The following SLC2A7 variants were observed in gnomAD, a reference collection of about 807,000 sequenced individuals.
SLC2A7 encodes the protein solute carrier family 2, facilitated glucose transporter member 7.
A neutral mutation model predicts 50.5 loss-of-function variants in SLC2A7; 50 were observed. The ratio of observed to expected loss-of-function variants is 0.99; its 90% CI spans 0.79 to 1.25. The LOEUF is 1.25. SLC2A7 is among the 50% of genes most tolerant of loss of function. SLC2A7 has a pLI of 0.00. For synonymous variants in SLC2A7, 308 were observed against 300.4 expected (o/e 1.03, Z -0.26); for missense variants, 683 against 679.1 (o/e 1.01, Z -0.06).
At position 9,008,722 on chromosome 1, in the gene SLC2A7, G is replaced by A. The variant is rs766799663; in HGVS notation, c.1117-1337C>T. On this transcript the variant is annotated intron_variant, in intron 9 of 11. Transcript: ENST00000400906. The surrounding 1 kb of genome is among the most constrained non-coding windows in gnomAD (Gnocchi z 5.9). ...AGTGATTCTCCTGCCTCAGCCTCCC[G>A]AGTAACTGGGATTACAGGCACACGC... 3.2e-4 allele frequency among the ~76,000 whole-genome samples: 48 copies of A among 151,056 alleles called. No individual in the cohort carries two copies. Among genetic ancestry groups the A allele is most frequent in the Non-Finnish European group, 4.4e-4 (30 of 67,844 alleles).
At position 9,015,013 on chromosome 1, in the gene SLC2A7, G is replaced by T. The variant is rs941246924; in HGVS notation, c.715+104C>A. 6.5e-6 allele frequency: 10 copies of T among 1,537,246 alleles called. No homozygotes were observed. In the Admixed American group the frequency reaches 1.4e-4, roughly 21 times the overall value. The stretch of plus-strand genomic sequence containing the variant: ...ACCCCCCCACCCCGTTCAGCTCCCA[G>T]CTCTCACCCCTGACCCATGGCGACC... On this transcript the variant is annotated intron_variant, in intron 6 of 11. Coordinates refer to ENST00000400906, the MANE Select transcript of SLC2A7 (RefSeq NM_207420.3).
In SLC2A7 at chr1:9,013,525, C is replaced by T. The variant is rs774580070; in HGVS notation, c.1014G>A (p.Ser338=). 7.9e-5 allele frequency: 128 copies of T among 1,612,672 alleles called. No individual in the cohort carries two copies. Among genetic ancestry groups the T allele is most frequent in the Non-Finnish European group, 9.6e-5 (113 of 1,179,586 alleles). ...GVVNIVMTIT[S]AVLVERLGRR... is the part of the protein sequence containing the mutation. ...GGAAGGATGCCTCCTGCTCACTCAC[C>T]GAGGTGATGGTCATCACTATGTTGA... is the stretch of plus-strand genomic sequence containing the variant. The change falls in exon 8 of 12, where the codon TCG becomes TCA. Residue 338 remains serine, a splice_region_variant and synonymous_variant. Coordinates refer to ENST00000400906, the MANE Select transcript of SLC2A7 (RefSeq NM_207420.3).
chr1:9,007,438 G>A lies in SLC2A7; in HGVS notation c.1117-53C>T, dbSNP rs1640672019. On this transcript the variant is annotated intron_variant, in intron 9 of 11. Coordinates refer to ENST00000400906, the MANE Select transcript of SLC2A7 (RefSeq NM_207420.3). ...CTGAGGCCAGGAGCCCCACGTGCGG[G>A]GGGGTCCACCTGCGGGTCCCACCTT... 1.9e-6 allele frequency: 3 copies of A among 1,582,814 alleles called. No individual in the cohort carries two copies. The South Asian group carries it at 3.3e-5, about 18-fold the overall frequency.
At chr1:9,010,456 T>C (rs531737444) in intron 8 of SLC2A7, among the ~76,000 whole-genome samples, 57 of 152,324 alleles carry the variant, frequency 3.7e-4, no homozygotes, top group African/African-American at 1.3e-3. Flanking sequence ...CCTCCCAGGT[T>C]CAAGTGATTC....
rs1479016016 is a variant in SLC2A7 at position 9,013,521 on chromosome 1, T to C, written c.1014+4A>G. 1 of 1,612,452 alleles carries C rather than the reference T, an allele frequency of 6.2e-7. No individual in the cohort carries two copies. Among genetic ancestry groups the C allele is most frequent in the African/African-American group, 1.3e-5 (1 of 74,874 alleles). On this transcript the variant is annotated splice_donor_region_variant and intron_variant, in intron 8 of 11. Coordinates refer to ENST00000400906, the MANE Select transcript of SLC2A7 (RefSeq NM_207420.3). The stretch of plus-strand genomic sequence containing the variant: ...AGCAGGAAGGATGCCTCCTGCTCAC[T>C]CACCGAGGTGATGGTCATCACTATG...
intron 8 of SLC2A7, among the ~76,000 whole-genome samples, chr1:9,012,206 C>A (rs1330300622): frequency 6.6e-6 from 1 of 152,222 alleles, no homozygotes; most frequent in Non-Finnish European, 1.5e-5. Flanking sequence ...GAGCGAAGTG[C>A]ACCCCAAAAA....
chr1:9,016,045 A>G (rs755011348), intron 5 of SLC2A7, among the ~76,000 whole-genome samples: 37 of 152,304 alleles, frequency 2.4e-4, no homozygotes, highest in Middle Eastern at 3.4e-3. Context: ...AATGTCTCTG[A>G]GCCTCAGGCA....
the SLC2A7 span, among the ~76,000 whole-genome samples, chr1:8,996,894 G>GCCTCCCAAT: frequency 6.6e-6 from 1 of 151,980 alleles, no homozygotes; most frequent in Non-Finnish European, 1.5e-5. Context: ...TCCTGCCTCA[G>GCCTCCCAAT]CCTCCCAAGT....
At chr1:9,009,002 C>T (rs920856384) in intron 9 of SLC2A7, among the ~76,000 whole-genome samples, 2 of 152,180 alleles carry the variant, frequency 1.3e-5, no homozygotes, top group Non-Finnish European at 2.9e-5. Context: ...CCTTGCTTTC[C>T]CCGCAGGCCC....
the SLC2A7 span, among the ~76,000 whole-genome samples, chr1:8,997,409 A>AT: frequency 2.6e-5 from 4 of 151,910 alleles, no homozygotes; most frequent in Admixed American, 6.6e-5. Flanking sequence ...TTATTTATTT[A>AT]TTTTTTTTGA....
At chr1:8,998,628 T>C (rs1011196812), downstream of SLC2A7, among the ~76,000 whole-genome samples, 2 of 152,130 alleles carry the variant, frequency 1.3e-5, no homozygotes, top group Non-Finnish European at 2.9e-5. Flanking sequence ...TGCATTTCCA[T>C]ATAAATAACA....
chr1:9,019,006 G>T (rs1640872135), intron 4 of SLC2A7, among the ~76,000 whole-genome samples: 1 of 152,044 alleles, frequency 6.6e-6, no homozygotes, highest in Admixed American at 6.6e-5. Context: ...ACACAGTGAG[G>T]CTCTGTCTCT....
At chr1:9,007,614 C>T (rs61785781) in intron 9 of SLC2A7, among the ~76,000 whole-genome samples, 11,543 of 152,248 alleles carry the variant, frequency 0.076, 547 homozygotes, top group Non-Finnish European at 0.1. Context: ...TCATGGAGAA[C>T]GAGGGGCATC....
chr1:9,019,870 G>A (rs760916811), intron 3 of SLC2A7, among the ~76,000 whole-genome samples: 6 of 152,056 alleles, frequency 3.9e-5, no homozygotes, highest in Admixed American at 6.6e-5. Context: ...GTTGCAGTGA[G>A]CCGAGATCGT....
At chr1:9,000,435 A>G (rs1640558443), downstream of SLC2A7, among the ~76,000 whole-genome samples, 1 of 152,070 alleles carries the variant, frequency 6.6e-6, no homozygotes, top group Non-Finnish European at 1.5e-5. Flanking sequence ...CCTGGCCAAC[A>G]TGGTAAAACC....
In SLC2A7 at chr1:9,017,188, C is replaced by T. The variant is rs149913703; in HGVS notation, c.589+1035G>A. 7.8e-3 allele frequency among the ~76,000 whole-genome samples: 1,187 copies of T among 152,246 alleles called. 9 individuals are homozygous for T. The highest frequency in any genetic ancestry group is 0.026 in the African/African-American group (1,063 of 41,552). ...ATACAAAATTAGCTGGGCGTGGTGG[C>T]GCTCGCTTGTAATCCCAGCTACTCA... On this transcript the variant is annotated intron_variant, in intron 5 of 11. Coordinates refer to ENST00000400906, the MANE Select transcript of SLC2A7 (RefSeq NM_207420.3).
At chr1:8,996,388 T>A in the SLC2A7 span, among the ~76,000 whole-genome samples, 3 of 152,374 alleles carry the variant, frequency 2.0e-5, no homozygotes, top group South Asian at 6.2e-4. Flanking sequence ...ACAATTCTAC[T>A]GTGTGGCTAG....
At chr1:9,011,160 C>T (rs904762309) in intron 8 of SLC2A7, among the ~76,000 whole-genome samples, 3 of 152,258 alleles carry the variant, frequency 2.0e-5, no homozygotes, top group Admixed American at 2.0e-4. Context: ...TCTGTGGGAA[C>T]CACAGTAAAG....
At chr1:9,006,199 T>C (rs1218241917) in intron 10 of SLC2A7, among the ~76,000 whole-genome samples, 1 of 152,170 alleles carries the variant, frequency 6.6e-6, no homozygotes, top group Non-Finnish European at 1.5e-5. Context: ...TCCTTTGAGG[T>C]TCTGCTGCCT....
Sources: gnomAD v4.1 joint callset for allele counts (sites outside exome capture counted in the v4.1 genomes callset) on GRCh38, gnomAD v4.1.1 for gene constraint, Gnocchi (gnomAD v3.1) non-coding constraint, MANE v1.5 for transcripts, NCBI Gene and HGNC (gene_info 2026-07-23, HGNC 2026-07-21) for gene names.